Variants in THEMIS observed in about 807,000 individuals in gnomAD.
THEMIS encodes protein THEMIS.
Under a neutral mutation model 52.6 loss-of-function variants are expected in THEMIS, and 37 were observed. The ratio of observed to expected loss-of-function variants is 0.70; its 90% CI spans 0.54 to 0.93. The LOEUF (loss-of-function observed/expected upper bound fraction) is 0.93. THEMIS is among the 40% of genes least tolerant of loss of function. The probability of loss-of-function intolerance (pLI) is 0.00; values close to 1 mark genes in which losing one functional copy is unlikely to be tolerated. For synonymous variants in THEMIS, 292 were observed against 272.7 expected (o/e 1.07, Z -0.70); for missense variants, 808 against 763.1 (o/e 1.06, Z -0.69).
At chr6:127,887,580 CTAAG>C (rs1780684265) in intron 1 of THEMIS, among the ~76,000 whole-genome samples, 2 of 152,094 alleles carry the variant, frequency 1.3e-5, no homozygotes, top group African/African-American at 4.8e-5. Context: ...CAAACACATA[CTAAG>C]TGAGAGAAGC....
At chr6:127,830,740 A>G (rs893857085) in intron 2 of THEMIS, among the ~76,000 whole-genome samples, 1 of 152,162 alleles carries the variant, frequency 6.6e-6, no homozygotes, top group Non-Finnish European at 1.5e-5. Flanking sequence ...AGCTTGGACT[A>G]GATAGATAGC....
At chr6:127,914,638 C>T (rs1781481977) in intron 1 of THEMIS, among the ~76,000 whole-genome samples, 1 of 152,146 alleles carries the variant, frequency 6.6e-6, no homozygotes, top group African/African-American at 2.4e-5. Context: ...TAGAAAAAGG[C>T]ACAGTGTAAA....
At chr6:127,824,182 G>C (rs994045790) in intron 3 of THEMIS, among the ~76,000 whole-genome samples, 7 of 152,118 alleles carry the variant, frequency 4.6e-5, no homozygotes, top group Admixed American at 2.0e-4. Flanking sequence ...CCCTCTGCAG[G>C]AAACAGTATA....
intron 2 of THEMIS, among the ~76,000 whole-genome samples, chr6:127,836,860 C>T (rs559905020): frequency 6.6e-6 from 1 of 152,196 alleles, no homozygotes; most frequent in East Asian, 1.9e-4. Flanking sequence ...GAAGCTTTGA[C>T]CTGGTACCTG....
At chr6:127,779,202 T>C (rs758357059) in intron 4 of THEMIS, among the ~76,000 whole-genome samples, 2 of 152,186 alleles carry the variant, frequency 1.3e-5, no homozygotes, top group African/African-American at 2.4e-5. Flanking sequence ...CTTTTGACTT[T>C]ATCATCTTTC....
At chr6:127,697,746 A>T in the THEMIS span, among the ~76,000 whole-genome samples, 71,063 of 151,888 alleles carry the variant, frequency 0.47, 17,879 homozygotes, top group Non-Finnish European at 0.58. Flanking sequence ...CAGGATTTTA[A>T]TGAAATGTTC....
downstream of THEMIS, among the ~76,000 whole-genome samples, chr6:127,703,336 C>T (rs933420317): frequency 2.0e-5 from 3 of 151,982 alleles, no homozygotes; most frequent in Non-Finnish European, 2.9e-5. Context: ...CGTGAGACAC[C>T]GCGCCCGGCT....
chr6:127,774,731 C>A (rs1235396683), intron 4 of THEMIS, among the ~76,000 whole-genome samples: 1 of 152,160 alleles, frequency 6.6e-6, no homozygotes, highest in East Asian at 1.9e-4. Context: ...ATAACACTTA[C>A]CAATCTGCCT....
chr6:127,900,823 G>T lies in THEMIS; in HGVS notation c.91+19C>A, dbSNP rs1188030093. 1.9e-6 allele frequency: 3 copies of T among 1,599,348 alleles called. No homozygotes were observed. The highest frequency in any genetic ancestry group is 2.6e-6 in the Non-Finnish European group (3 of 1,167,214). ...TTACAAGAATGTTCTAGCCAGTAAAGGTATTGGAGAGTGCTTACCTTCAAG... is the reference window on the plus strand; with the variant it reads ...TTACAAGAATGTTCTAGCCAGTAAATGTATTGGAGAGTGCTTACCTTCAAG... On this transcript the variant is annotated intron_variant, in intron 1 of 5. Transcript: ENST00000368248.
chr6:127,710,952 TC>T (rs1199781040), intron 5 of THEMIS, among the ~76,000 whole-genome samples: 13 of 98,454 alleles, frequency 1.3e-4, no homozygotes, highest in Non-Finnish European at 1.6e-4. Flanking sequence ...CTTCCCTCCC[TC>T]CCTCCCTTCC....
At chr6:127,835,418 A>G (rs998512883) in intron 2 of THEMIS, among the ~76,000 whole-genome samples, 2 of 152,166 alleles carry the variant, frequency 1.3e-5, no homozygotes, top group African/African-American at 4.8e-5. Flanking sequence ...TCAGGGCTAC[A>G]ATTTCATTTT....
intron 4 of THEMIS, among the ~76,000 whole-genome samples, chr6:127,740,348 A>G (rs1170475163): frequency 1.3e-5 from 2 of 152,324 alleles, no homozygotes; most frequent in South Asian, 2.1e-4. Flanking sequence ...GACTGATTCT[A>G]TGGCTGAAGT....
chr6:127,858,087 A>T (rs1779677004), intron 1 of THEMIS, among the ~76,000 whole-genome samples: 1 of 152,098 alleles, frequency 6.6e-6, no homozygotes, highest in South Asian at 2.1e-4. Flanking sequence ...CTGAGTTGGA[A>T]TGTCATCTTT....
chr6:127,907,234 G>A (rs945498119), intron 1 of THEMIS, among the ~76,000 whole-genome samples: 1 of 150,294 alleles, frequency 6.7e-6, no homozygotes, highest in African/African-American at 2.4e-5. Flanking sequence ...TTAACCAAAA[G>A]GTGCCATTTA....
downstream of THEMIS, among the ~76,000 whole-genome samples, chr6:127,706,311 CACA>C (rs1562202458): frequency 6.6e-6 from 1 of 152,090 alleles, no homozygotes; most frequent in South Asian, 2.1e-4. Context: ...ATCAAATTAT[CACA>C]ACAACTCTAC....
intron 4 of THEMIS, among the ~76,000 whole-genome samples, chr6:127,748,555 A>C (rs933145049): frequency 1.3e-5 from 2 of 152,060 alleles, no homozygotes; most frequent in Non-Finnish European, 2.9e-5. Flanking sequence ...TCCACCTCCT[A>C]ATACCATCAC....
intron 3 of THEMIS, among the ~76,000 whole-genome samples, chr6:127,818,846 G>A (rs186873301): frequency 7.9e-5 from 12 of 152,080 alleles, no homozygotes; most frequent in Non-Finnish European, 1.3e-4. Context: ...AGGACCAGGT[G>A]CGGTGGCTCA....
chr6:127,806,695 A>G (rs570461042), intron 4 of THEMIS, among the ~76,000 whole-genome samples: 6 of 152,132 alleles, frequency 3.9e-5, no homozygotes, highest in Non-Finnish European at 8.8e-5. Context: ...TTCATTTAAA[A>G]CTCAATTATA....
chr6:127,814,181 G>T (rs953572437), intron 3 of THEMIS, among the ~76,000 whole-genome samples: 3 of 152,030 alleles, frequency 2.0e-5, no homozygotes, highest in Non-Finnish European at 4.4e-5. Context: ...GGAGCTCTAG[G>T]GAACCTCCTC....
Sources: gnomAD v4.1 joint callset for allele counts (sites outside exome capture counted in the v4.1 genomes callset) on GRCh38, gnomAD v4.1.1 for gene constraint, MANE v1.5 for transcripts, NCBI Gene and HGNC (gene_info 2026-07-23, HGNC 2026-07-21) for gene names.